ITSN1: variants seen among roughly 807,000 people sequenced by gnomAD.
ITSN1 encodes the protein intersectin-1.
In ITSN1, 58 loss-of-function variants were observed where a neutral mutation model predicts 239.8. That is an observed-to-expected ratio of 0.24 (90% CI 0.20 to 0.30). The LOEUF is 0.30. Ranked by LOEUF, ITSN1 falls within the 10% of genes least tolerant of loss-of-function variation. The pLI is 1.00. For missense variants in ITSN1, 1,558 were observed against 2,103.3 expected (o/e 0.74, Z 5.07); for synonymous variants, 780 against 770.8 (o/e 1.01, Z -0.20).
intron 14 of ITSN1, among the ~76,000 whole-genome samples, chr21:33,780,208 A>T (rs1326219595): frequency 6.6e-6 from 1 of 152,246 alleles, no homozygotes; most frequent in African/African-American, 2.4e-5. Flanking sequence ...TATTAAACTA[A>T]GTATTATCAC....
At chr21:33,681,127 C>T (rs747622220) in intron 1 of ITSN1, among the ~76,000 whole-genome samples, 9 of 152,150 alleles carry the variant, frequency 5.9e-5, no homozygotes, top group Non-Finnish European at 1.0e-4. Flanking sequence ...AATATTTACC[C>T]GCCCGGGGAT....
intron 4 of ITSN1, among the ~76,000 whole-genome samples, chr21:33,729,863 T>G (rs2066060372): frequency 6.6e-6 from 1 of 152,136 alleles, no homozygotes; most frequent in South Asian, 2.1e-4. Context: ...GGACTCAGCT[T>G]TCAGGGACTC....
chr21:33,824,991 A>G (rs2073902192), intron 25 of ITSN1, among the ~76,000 whole-genome samples: 1 of 152,212 alleles, frequency 6.6e-6, no homozygotes, highest in Non-Finnish European at 1.5e-5. Context: ...GAGTCCAATG[A>G]GAGTCATACA....
chr21:33,793,814 G>A (rs565259332), intron 16 of ITSN1, among the ~76,000 whole-genome samples: 1 of 152,282 alleles, frequency 6.6e-6, no homozygotes, highest in East Asian at 1.9e-4. Context: ...AATAGACCCT[G>A]GGGGGAAGAA....
intron 1 of ITSN1, among the ~76,000 whole-genome samples, chr21:33,643,214 C>T (rs917504215): frequency 6.6e-6 from 1 of 151,786 alleles, no homozygotes; most frequent in East Asian, 2.0e-4. Context: ...GCCCCTCGCT[C>T]GCAAGCCTGC....
At chr21:33,859,227 A>G (rs9977155) in intron 31 of ITSN1, among the ~76,000 whole-genome samples, 84,235 of 151,992 alleles carry the variant, frequency 0.55, 24,753 homozygotes, top group East Asian at 0.84. Context: ...ACTGCCTAAC[A>G]TCAGCAGTTC....
chr21:33,846,144 A>T (rs1291070652), intron 29 of ITSN1, among the ~76,000 whole-genome samples: 1 of 151,658 alleles, frequency 6.6e-6, no homozygotes, highest in Non-Finnish European at 1.5e-5. Flanking sequence ...CCAACCCAGA[A>T]CCTTCCCTCC....
chr21:33,805,177 C>T (rs1311690513), intron 20 of ITSN1, among the ~76,000 whole-genome samples: 4 of 152,188 alleles, frequency 2.6e-5, no homozygotes, highest in East Asian at 1.9e-4. Context: ...CTCTTTTTCA[C>T]GTCAGGACTA....
intron 20 of ITSN1, among the ~76,000 whole-genome samples, chr21:33,807,672 A>G (rs914487878): frequency 2.9e-4 from 44 of 152,314 alleles, no homozygotes; most frequent in African/African-American, 9.6e-4. Flanking sequence ...GGGAGTAACA[A>G]TAGATCATGG....
At position 33,781,485 on chromosome 21, in the gene ITSN1, C is replaced by A. The variant is rs373643952; in HGVS notation, c.1621C>A (p.Leu541Ile). The A allele has an allele frequency of 1.4e-4, 223 of 1,596,280 alleles. No homozygotes were observed. The highest frequency in any genetic ancestry group is 1.8e-4 in the Non-Finnish European group (216 of 1,169,286). ...GGAATCTCAGCAAATGCTTGGAAGA[C>A]TTATTCCAGAAAAACAGATACTCAA... ...LQESQQMLGR[L>I]IPEKQILNDQ... The change falls in exon 15 of 40, where the codon CTT becomes ATT. Residue 541 changes from leucine to isoleucine, a missense_variant. Physicochemically the swap from Leu to Ile is conservative, Grantham distance 5. Around this residue, in one of 2 missense-constraint regions of ITSN1, gnomAD observed 982 missense variants for 1,209.9 expected, o/e 0.81. Transcript: ENST00000381318.
rs745906834 is a variant in ITSN1, at chr21:33,875,548, G to A, written c.4341+27G>A. Reference sequence around the variant, plus strand: ...TAGCCAACCTTGGGGCTGGGCCCTGGTCTCCCCCGGCAGAGCCTCGCCTGC... The same window carrying A: ...TAGCCAACCTTGGGGCTGGGCCCTGATCTCCCCCGGCAGAGCCTCGCCTGC... On this transcript the variant is annotated intron_variant, in intron 34 of 39. Coordinates refer to ENST00000381318, the MANE Select transcript of ITSN1 (RefSeq NM_003024.3). 1.9e-6 allele frequency: 3 copies of A among 1,606,122 alleles called. No homozygotes were observed. In the African/African-American group the frequency reaches 4.0e-5, roughly 21 times the overall value.
Position 33,858,810 on chromosome 21 carries a change from TC to T in ITSN1, c.3890+22del. On this transcript the variant is annotated intron_variant, in intron 31 of 39. Coordinates refer to ENST00000381318, the MANE Select transcript of ITSN1 (RefSeq NM_003024.3). ...CTACTAAAGTAAGCCTCTCCTCTAATCCCCAGCCTGGCTTGGCCTCCTCGGC... is the reference window on the plus strand; with the variant it reads ...CTACTAAAGTAAGCCTCTCCTCTAATCCCAGCCTGGCTTGGCCTCCTCGGC... 1 of 1,535,514 alleles carries T rather than the reference TC, an allele frequency of 6.5e-7. No homozygotes were observed. Among genetic ancestry groups the T allele is most frequent in the Non-Finnish European group, 9.0e-7 (1 of 1,110,612 alleles).
intron 1 of ITSN1, among the ~76,000 whole-genome samples, chr21:33,686,137 G>A (rs541497005): frequency 6.6e-5 from 10 of 152,214 alleles, no homozygotes; most frequent in African/African-American, 1.9e-4. Flanking sequence ...AGCAGTGAAT[G>A]GGAAATATGT....
Position 33,755,430 on chromosome 21 carries a change from C to A in ITSN1, c.724+33C>A, listed in dbSNP as rs2154434. 0.45 allele frequency: 522,685 copies of A among 1,154,162 alleles called. 124,691 individuals are homozygous for A. Among genetic ancestry groups the A allele is most frequent in the East Asian group, 0.82 (34,468 of 41,856 alleles). 71.5% of individuals were successfully genotyped at this position (1,154,162 alleles called of 1,614,324 possible). A position where few individuals can be genotyped will look rare whatever the true frequency, so the allele number is the denominator to read the frequency against. On this transcript the variant is annotated intron_variant, in intron 8 of 39. Coordinates refer to ENST00000381318, the MANE Select transcript of ITSN1 (RefSeq NM_003024.3). The stretch of plus-strand genomic sequence containing the variant: ...CAAATAAAAATTAGTGAAATATGAT[C>A]TTTGTTTTCAATGTAAACTGTTTCT...
chr21:33,802,296 A>T, intron 19 of ITSN1, 134 bp from the exon 20 acceptor site: 1 of 808,286 alleles, frequency 1.2e-6, no homozygotes, highest in South Asian at 1.7e-5. Flanking sequence ...AGGCCTGTTG[A>T]AACCTTTTCC....
chr21:33,778,796 T>G (rs562456957), intron 14 of ITSN1, among the ~76,000 whole-genome samples: 2 of 150,014 alleles, frequency 1.3e-5, no homozygotes, highest in East Asian at 3.9e-4. Flanking sequence ...GCCGGGATGG[T>G]CTCGATCTCC....
intron 16 of ITSN1, among the ~76,000 whole-genome samples, chr21:33,787,869 A>G (rs549670771): frequency 5.9e-5 from 9 of 152,320 alleles, no homozygotes; most frequent in African/African-American, 1.2e-4. Context: ...ATTTTTACCT[A>G]TATGATCCTT....
chr21:33,754,443 A>G (rs1384463003), intron 7 of ITSN1, among the ~76,000 whole-genome samples: 1 of 152,272 alleles, frequency 6.6e-6, no homozygotes, highest in African/African-American at 2.4e-5. Flanking sequence ...AATTGCAGAC[A>G]GAGCATTAGC....
chr21:33,677,749 A>G (rs1451058908), intron 1 of ITSN1, among the ~76,000 whole-genome samples: 2 of 152,044 alleles, frequency 1.3e-5, no homozygotes, highest in Non-Finnish European at 2.9e-5. Context: ...AGAAACTTCA[A>G]AGGTGTCTTT....
Sources: gnomAD v4.1 joint callset for allele counts (sites outside exome capture counted in the v4.1 genomes callset) on GRCh38, gnomAD v4.1.1 for gene constraint, gnomAD v4.1.1 regional missense constraint, MANE v1.5 for transcripts, NCBI Gene and HGNC (gene_info 2026-07-23, HGNC 2026-07-21) for gene names.